Variants in SEMA5A observed in about 807,000 individuals in gnomAD.
SEMA5A encodes semaphorin 5A.
Under a neutral mutation model 135.5 loss-of-function variants are expected in SEMA5A, and 55 were observed. The ratio of observed to expected loss-of-function variants is 0.41; its 90% CI spans 0.33 to 0.51. SEMA5A has a LOEUF of 0.51. Among genes scored for constraint, SEMA5A ranks in the 20% least tolerant of loss-of-function variants. SEMA5A has a pLI of 0.37. For missense variants in SEMA5A, 1,290 were observed against 1,419.9 expected (o/e 0.91, Z 1.47); for synonymous variants, 580 against 546.5 (o/e 1.06, Z -0.85).
intron 4 of SEMA5A, among the ~76,000 whole-genome samples, chr5:9,326,931 A>G (rs867800099): frequency 6.6e-6 from 1 of 152,350 alleles, no homozygotes; most frequent in Middle Eastern, 3.4e-3. Context: ...ACCAACTCAT[A>G]TAATTCACCA....
intron 13 of SEMA5A, among the ~76,000 whole-genome samples, chr5:9,123,630 T>C (rs183155094): frequency 1.3e-5 from 2 of 152,234 alleles, no homozygotes; most frequent in Admixed American, 1.3e-4. Flanking sequence ...CACAACCCCA[T>C]TGCATGTTTA....
chr5:9,130,821 T>C (rs796279846), intron 13 of SEMA5A, among the ~76,000 whole-genome samples: 12 of 152,186 alleles, frequency 7.9e-5, no homozygotes, highest in African/African-American at 2.9e-4. Flanking sequence ...GTTGAGAGCT[T>C]AGAAGGGCAT....
At chr5:9,228,763 G>A (rs532334836) in intron 6 of SEMA5A, among the ~76,000 whole-genome samples, 7 of 152,332 alleles carry the variant, frequency 4.6e-5, no homozygotes, top group East Asian at 3.9e-4. Context: ...AATGACGCAC[G>A]AGGCATGAAA....
intron 3 of SEMA5A, among the ~76,000 whole-genome samples, chr5:9,372,468 C>T (rs528617426): frequency 6.6e-6 from 1 of 152,218 alleles, no homozygotes; most frequent in African/African-American, 2.4e-5. Flanking sequence ...GACATACATA[C>T]ATGGAGTTGT....
At chr5:9,335,141 G>C (rs116619343) in intron 4 of SEMA5A, among the ~76,000 whole-genome samples, 3,202 of 152,178 alleles carry the variant, frequency 0.021, 53 homozygotes, top group South Asian at 0.034. Context: ...TGCTGGGGTG[G>C]AAGCTCCAGG....
chr5:9,455,987 G>C (rs268543), intron 1 of SEMA5A, among the ~76,000 whole-genome samples: 2 of 152,206 alleles, frequency 1.3e-5, no homozygotes, highest in African/African-American at 4.8e-5. Context: ...GCACTGAGAG[G>C]AGAAAGGGAT....
At chr5:9,363,185 G>A (rs1561187883) in intron 3 of SEMA5A, 1 of 152,132 alleles carries the variant, frequency 6.6e-6, no homozygotes, top group African/African-American at 2.4e-5. Flanking sequence ...ACTATAAAAG[G>A]CATAAGTCTT....
intron 16 of SEMA5A, among the ~76,000 whole-genome samples, chr5:9,082,505 C>T (rs1738445905): frequency 6.6e-6 from 1 of 152,112 alleles, no homozygotes; most frequent in South Asian, 2.1e-4. Flanking sequence ...TCTGCTCACT[C>T]CCAAGTTCAT....
intron 2 of SEMA5A, among the ~76,000 whole-genome samples, chr5:9,420,292 T>C (rs935781933): frequency 1.3e-5 from 2 of 152,146 alleles, no homozygotes; most frequent in Admixed American, 1.3e-4. Context: ...GAATAAAAAG[T>C]TAGGCATTTA....
intron 13 of SEMA5A, among the ~76,000 whole-genome samples, chr5:9,131,977 G>C (rs1472548839): frequency 1.3e-5 from 2 of 152,138 alleles, no homozygotes; most frequent in African/African-American, 4.8e-5. Flanking sequence ...ACAACATTAT[G>C]ATTTATGCAG....
intron 1 of SEMA5A, among the ~76,000 whole-genome samples, chr5:9,489,203 G>A (rs796784706): frequency 2.0e-5 from 3 of 152,240 alleles, no homozygotes; most frequent in African/African-American, 7.2e-5. Flanking sequence ...AGCTAACAAT[G>A]AGTTCCTTTA....
intron 5 of SEMA5A, among the ~76,000 whole-genome samples, chr5:9,239,851 A>G (rs1489969726): frequency 6.6e-6 from 1 of 152,078 alleles, no homozygotes; most frequent in Admixed American, 6.6e-5. Flanking sequence ...AAAGTTAAAT[A>G]ATAATGTTCT....
At chr5:9,320,648 G>A (rs1357123203) in intron 4 of SEMA5A, among the ~76,000 whole-genome samples, 1 of 152,198 alleles carries the variant, frequency 6.6e-6, no homozygotes, top group Non-Finnish European at 1.5e-5. Context: ...AGCCTGGGAG[G>A]TCAAGGCTCC....
chr5:9,423,636 C>A (rs757228900), intron 2 of SEMA5A, among the ~76,000 whole-genome samples: 8 of 152,324 alleles, frequency 5.3e-5, no homozygotes, highest in Admixed American at 6.5e-5. Context: ...GAAAATCAAA[C>A]TTCTAAGCCA....
chr5:9,538,700 G>A (rs1399314235), intron 1 of SEMA5A, among the ~76,000 whole-genome samples: 3 of 152,148 alleles, frequency 2.0e-5, no homozygotes, highest in African/African-American at 4.8e-5. Flanking sequence ...TGTCGCATCC[G>A]GAAACAACCT....
chr5:9,399,977 C>T (rs933780453), intron 2 of SEMA5A, among the ~76,000 whole-genome samples: 46 of 152,094 alleles, frequency 3.0e-4, no homozygotes, highest in African/African-American at 1.0e-3. Flanking sequence ...ACTATGCAGC[C>T]ATAAAAAAGG....
intron 5 of SEMA5A, among the ~76,000 whole-genome samples, chr5:9,239,472 T>C (rs1459252804): frequency 6.6e-6 from 1 of 152,170 alleles, no homozygotes; most frequent in Admixed American, 6.5e-5. Context: ...GAAGTACAGA[T>C]AAAATAAATG....
intron 8 of SEMA5A, among the ~76,000 whole-genome samples, chr5:9,221,525 A>C (rs1382247762): frequency 4.6e-5 from 7 of 151,708 alleles, no homozygotes; most frequent in Admixed American, 6.6e-5. Flanking sequence ...GATGGTCTCG[A>C]TCTCCTGACC....
intron 4 of SEMA5A, among the ~76,000 whole-genome samples, chr5:9,330,467 GC>G (rs1452633966): frequency 3.3e-5 from 5 of 150,836 alleles, no homozygotes; most frequent in African/African-American, 1.2e-4. Flanking sequence ...TTTTACAATA[GC>G]AGAAGGAACA....
Sources: gnomAD v4.1 joint callset for allele counts (sites outside exome capture counted in the v4.1 genomes callset) on GRCh38, gnomAD v4.1.1 for gene constraint, MANE v1.5 for transcripts, NCBI Gene and HGNC (gene_info 2026-07-23, HGNC 2026-07-21) for gene names.